Variants in SPAST observed in about 807,000 individuals in gnomAD.
SPAST encodes the protein spastin, also known as spastic paraplegia 4 (autosomal dominant; spastin).
In SPAST, 30 loss-of-function variants were observed where a neutral mutation model predicts 76.6. The ratio of observed to expected loss-of-function variants is 0.39; its 90% CI spans 0.29 to 0.53. SPAST has a LOEUF of 0.53. SPAST is among the 20% of genes least tolerant of loss of function. The pLI, the probability that SPAST is intolerant of heterozygous loss-of-function variation, is 0.68. For missense variants in SPAST, 717 were observed against 770.5 expected (o/e 0.93, Z 0.82); for synonymous variants, 305 against 281.0 (o/e 1.09, Z -0.86).
chr2:32,078,145 T>C (rs1677040786), intron 1 of SPAST, among the ~76,000 whole-genome samples: 1 of 151,748 alleles, frequency 6.6e-6, no homozygotes, highest in African/African-American at 2.4e-5. Flanking sequence ...CGCCCGCCAC[T>C]ACGCCCGGCT....
At chr2:32,110,801 T>TAC (rs1210213333) in intron 4 of SPAST, among the ~76,000 whole-genome samples, 2 of 139,298 alleles carry the variant, frequency 1.4e-5, no homozygotes, top group African/African-American at 5.2e-5. Flanking sequence ...ATAGTATACA[T>TAC]AGTATACTAT....
intron 7 of SPAST, among the ~76,000 whole-genome samples, chr2:32,122,084 G>T (rs1456318529): frequency 6.6e-6 from 1 of 152,146 alleles, no homozygotes; most frequent in South Asian, 2.1e-4. Flanking sequence ...TGTTGATAGT[G>T]AGAGCCCATT....
chr2:32,132,718 GA>G (rs1369637640), intron 9 of SPAST, among the ~76,000 whole-genome samples: 1 of 152,004 alleles, frequency 6.6e-6, no homozygotes, highest in Non-Finnish European at 1.5e-5. Context: ...ACTTAAAAAG[GA>G]AGCATTGTGC....
At chr2:32,093,819 AT>A (rs1332911356) in intron 3 of SPAST, among the ~76,000 whole-genome samples, 2 of 147,932 alleles carry the variant, frequency 1.4e-5, no homozygotes, top group Non-Finnish European at 3.0e-5. Flanking sequence ...TATCTTAAAA[AT>A]ATATATATAT....
chr2:32,065,378 T>C lies in SPAST; in HGVS notation c.415+1132T>C, dbSNP rs760644983. 4.6e-5 allele frequency among the ~76,000 whole-genome samples: 7 copies of C among 152,280 alleles called. No homozygotes were observed. In the East Asian group the frequency reaches 9.6e-4, roughly 21 times the overall value. The stretch of plus-strand genomic sequence containing the variant: ...TGTGCTATTAGCTTTGCATGTGTTA[T>C]CTTTTTTCTTTTTAAAAAAAATAGC... On this transcript the variant is annotated intron_variant, in intron 1 of 16. Transcript: ENST00000315285.
chr2:32,115,835 A>G lies in SPAST; in HGVS notation c.1004A>G (p.Asn335Ser), dbSNP rs201434161. The G allele has an allele frequency of 1.2e-6, 2 of 1,606,430 alleles. No individual in the cohort carries two copies. Among genetic ancestry groups the G allele is most frequent in the Non-Finnish European group, 1.7e-6 (2 of 1,175,404 alleles). Residue 335 changes from asparagine to serine, a missense_variant and splice_region_variant, in exon 6 of 17, where the codon AAT becomes AGT. Transcript: ENST00000315285. Reference sequence around the variant, plus strand: ...CTTATAATGAATGAAATTGTGGACAAGTAAGTTTTGCCATCTAAATGTTTT... The same window carrying G: ...CTTATAATGAATGAAATTGTGGACAGGTAAGTTTTGCCATCTAAATGTTTT... ...ANLIMNEIVD[N>S]GTAVKFDDIA...
At chr2:32,104,471 T>G (rs576015926) in intron 4 of SPAST, among the ~76,000 whole-genome samples, 22 of 152,318 alleles carry the variant, frequency 1.4e-4, no homozygotes, top group Admixed American at 1.4e-3. Context: ...AATATTGTTA[T>G]GTTTGAATTT....
intron 3 of SPAST, among the ~76,000 whole-genome samples, chr2:32,092,542 CTTA>C (rs1417495023): frequency 6.6e-6 from 1 of 152,080 alleles, no homozygotes; most frequent in Non-Finnish European, 1.5e-5. Flanking sequence ...TTTGTACTTT[CTTA>C]TTTGTGTTAG....
intron 4 of SPAST, among the ~76,000 whole-genome samples, chr2:32,101,010 G>C (rs1678098863): frequency 6.6e-6 from 1 of 152,150 alleles, no homozygotes; most frequent in Non-Finnish European, 1.5e-5. Context: ...GGTATTTCTA[G>C]TTCTAGATCC....
At chr2:32,097,679 T>G (rs1242922825) in intron 3 of SPAST, among the ~76,000 whole-genome samples, 1 of 148,824 alleles carries the variant, frequency 6.7e-6, no homozygotes, top group African/African-American at 2.5e-5. Flanking sequence ...CCCTGAAATG[T>G]CCTTTTTTTT....
At chr2:32,078,618 C>T (rs536634425) in intron 1 of SPAST, among the ~76,000 whole-genome samples, 1 of 152,092 alleles carries the variant, frequency 6.6e-6, no homozygotes, top group East Asian at 1.9e-4. Context: ...GCATTGCACT[C>T]CAGCTTGGGT....
intron 1 of SPAST, among the ~76,000 whole-genome samples, chr2:32,072,782 G>A (rs1465612228): frequency 6.6e-6 from 1 of 152,102 alleles, no homozygotes; most frequent in Non-Finnish European, 1.5e-5. Flanking sequence ...TGTCAGATTT[G>A]GTAATTTTCT....
intron 4 of SPAST, among the ~76,000 whole-genome samples, chr2:32,109,104 C>G (rs1390648399): frequency 6.7e-6 from 1 of 149,760 alleles, no homozygotes; most frequent in Non-Finnish European, 1.5e-5. Context: ...CAGATTATAC[C>G]TCAGTAAATT....
chr2:32,147,322 A>G (rs1194062597), intron 16 of SPAST, 64 bp downstream of exon 16: 8 of 917,046 alleles, frequency 8.7e-6, no homozygotes, highest in East Asian at 5.2e-5. Flanking sequence ...TAAGACATAC[A>G]TATATGAATG....
intron 1 of SPAST, among the ~76,000 whole-genome samples, chr2:32,066,799 C>A (rs1352157780): frequency 6.6e-6 from 1 of 151,634 alleles, no homozygotes; most frequent in Non-Finnish European, 1.5e-5. Flanking sequence ...CATAGTGAAA[C>A]CCTGTCTTTG....
intron 8 of SPAST, 52 bp from the exon 9 acceptor site, chr2:32,128,356 T>G (rs1159288296): frequency 8.0e-7 from 1 of 1,253,616 alleles, no homozygotes; most frequent in African/African-American, 1.5e-5. Context: ...TGGTTATCTT[T>G]TAAATGTAAT....
In SPAST at chr2:32,087,585, T is replaced by C; in HGVS notation, c.502+7T>C. The C allele has an allele frequency of 2.0e-6, 3 of 1,506,200 alleles. No individual in the cohort carries two copies. Among genetic ancestry groups the C allele is most frequent in the Non-Finnish European group, 1.8e-6 (2 of 1,086,016 alleles). 93.3% of individuals were successfully genotyped at this position (1,506,200 alleles called of 1,614,324 possible). A position where few individuals can be genotyped will look rare whatever the true frequency, so the allele number is the denominator to read the frequency against. The stretch of plus-strand genomic sequence containing the variant: ...GTTATAGTTACAGGACAAGGTAAGA[T>C]TGTATTTGTTTATAGCCATCCCAAA... On this transcript the variant is annotated splice_region_variant and intron_variant, in intron 2 of 16. Coordinates refer to ENST00000315285, the MANE Select transcript of SPAST (RefSeq NM_014946.4).
chr2:32,133,185 C>CA (rs1313844545), intron 9 of SPAST, among the ~76,000 whole-genome samples: 2 of 152,104 alleles, frequency 1.3e-5, no homozygotes, highest in Admixed American at 6.6e-5. Flanking sequence ...TTATTTTCCA[C>CA]AAAAAATCAG....
chr2:32,066,436 G>A (rs533354281), intron 1 of SPAST, among the ~76,000 whole-genome samples: 4 of 152,230 alleles, frequency 2.6e-5, no homozygotes, highest in East Asian at 1.9e-4. Context: ...TTGGGAGGCC[G>A]GGGCGGGTGG....
Sources: gnomAD v4.1 joint callset for allele counts (sites outside exome capture counted in the v4.1 genomes callset) on GRCh38, gnomAD v4.1.1 for gene constraint, MANE v1.5 for transcripts, NCBI Gene and HGNC (gene_info 2026-07-23, HGNC 2026-07-21) for gene names.